Variants in SPANXN3 observed in about 807,000 individuals in gnomAD.
SPANXN3 encodes the protein sperm protein associated with the nucleus on the X chromosome N3.
Under a neutral mutation model 1.9 loss-of-function variants are expected in SPANXN3, and 1 was observed. The observed-to-expected ratio is 0.54, with a 90% confidence interval of 0.19 to 2.54. The LOEUF is 2.54. Ranked by LOEUF, SPANXN3 falls within the 30% of genes most tolerant of loss-of-function variation. The probability of loss-of-function intolerance (pLI) is 0.24; values close to 1 mark genes in which losing one functional copy is unlikely to be tolerated. For missense variants in SPANXN3, 113 were observed against 96.2 expected (o/e 1.17, Z -0.73); for synonymous variants, 47 against 40.0 (o/e 1.17, Z -0.66).
Position 143,509,040 on chromosome X carries a change from T to G in SPANXN3, c.201A>C (p.Gln67His). 8.3e-7 allele frequency: 1 copy of G among 1,211,443 alleles called. No homozygotes were observed. Among genetic ancestry groups the G allele is most frequent in the Non-Finnish European group, 1.1e-6 (1 of 895,186 alleles). ...LRKGKKINSNQLENEQSQENS... is the reference protein window; with the variant it reads ...LRKGKKINSNHLENEQSQENS... ...TCTCTTGGGACTGTTCATTCTCCAG[T>G]TGATTTGAATTTATTTTCTTACCCT... The change falls in exon 2 of 2, where the codon CAA becomes CAC. Residue 67 changes from glutamine (Q) to histidine (H), a missense_variant. Gln to His is a conservative substitution (Grantham distance 24, BLOSUM62 0). Transcript: ENST00000370503.
intron 1 of SPANXN3, chrX:143,509,808 G>T: frequency 1.6e-5 from 2 of 122,901 alleles, no homozygotes; most frequent in Non-Finnish European, 1.8e-5. Context: ...ACAGGTGTCT[G>T]CAATATTCCT....
chrX:143,511,565 A>C (rs1929092830), intron 1 of SPANXN3, among the ~76,000 whole-genome samples: 1 of 111,604 alleles, frequency 9.0e-6, no homozygotes, highest in Non-Finnish European at 1.9e-5. Context: ...TTAGAGAGGA[A>C]GAACTAAAAA....
rs1429602321 is a variant in SPANXN3 at position 143,508,749 on chromosome X, T to C, written c.*66A>G. ...AAACACAGTCATCAGCTCCTTAAAC[T>C]TGATTTTATTGTAATCATCGCCATC... is the stretch of plus-strand genomic sequence containing the variant. On this transcript the variant is annotated 3_prime_UTR_variant, in exon 2 of 2. Transcript: ENST00000370503. 1 of 969,138 alleles carries C rather than the reference T, an allele frequency of 1.0e-6. No individual in the cohort carries two copies. Among genetic ancestry groups the C allele is most frequent in the African/African-American group, 1.9e-5 (1 of 51,620 alleles). 79.9% of individuals were successfully genotyped at this position (969,138 alleles called of 1,213,427 possible).
intron 1 of SPANXN3, among the ~76,000 whole-genome samples, chrX:143,515,622 G>A (rs1386349693): frequency 9.2e-6 from 1 of 108,817 alleles, no homozygotes; most frequent in Admixed American, 9.9e-5. Context: ...CCCAACCTCT[G>A]ACAGTTGAGC....
chrX:143,516,471 C>T (rs782042837), intron 1 of SPANXN3, among the ~76,000 whole-genome samples: 1 of 112,385 alleles, frequency 8.9e-6, no homozygotes, highest in African/African-American at 3.2e-5. Flanking sequence ...CCTCCACACA[C>T]ACTAAGCAGG....
chrX:143,515,569 T>G (rs1211165606), intron 1 of SPANXN3, among the ~76,000 whole-genome samples: 1 of 111,428 alleles, frequency 9.0e-6, no homozygotes, highest in Non-Finnish European at 1.9e-5. Flanking sequence ...CTCCTCTTTC[T>G]TCTTTTGTCC....
chrX:143,508,777 T>A lies in SPANXN3; in HGVS notation c.*38A>T. 1.9e-6 allele frequency: 2 copies of A among 1,071,927 alleles called. No individual in the cohort carries two copies. The highest frequency in any genetic ancestry group is 2.6e-6 in the Non-Finnish European group (2 of 777,316). The allele number at this position is 1,071,927 out of a possible 1,213,427, so 88.3% of individuals were successfully genotyped here. On this transcript the variant is annotated 3_prime_UTR_variant, in exon 2 of 2. Transcript: ENST00000370503. ...ATTTTATTGTAATCATCGCCATCAG[T>A]GGTGATGATTTGTCCAATTTGGTTT...
intron 1 of SPANXN3, among the ~76,000 whole-genome samples, chrX:143,515,523 G>T (rs1473510788): frequency 2.7e-5 from 3 of 111,181 alleles, no homozygotes; most frequent in African/African-American, 3.3e-5. Context: ...AGGTATGACT[G>T]CAGGGCACCT....
In SPANXN3 at chrX:143,508,922, C is replaced by G; in HGVS notation, c.319G>C (p.Gly107Arg). 8.3e-7 allele frequency: 1 copy of G among 1,211,614 alleles called. No individual in the cohort carries two copies. The highest frequency in any genetic ancestry group is 1.1e-6 in the Non-Finnish European group (1 of 895,398). ...AGATCTTTGTCCTCCTTTGAAGGTC[C>G]TTCACATGGGCCTAGGTCTTCATCC... ...NEDEDLGPCE[G>R]PSKEDKDLDS... The change falls in exon 2 of 2, where the codon GGA (glycine) becomes CGA (arginine). Residue 107 changes from glycine to arginine, a missense_variant. Coordinates refer to ENST00000370503, the MANE Select transcript of SPANXN3 (RefSeq NM_001009609.4).
At chrX:143,512,158 C>T (rs1169764051) in intron 1 of SPANXN3, among the ~76,000 whole-genome samples, 1 of 109,986 alleles carries the variant, frequency 9.1e-6, no homozygotes, top group East Asian at 2.9e-4. Flanking sequence ...TAAGTAAATT[C>T]CAGGCCTCCA....
chrX:143,511,545 G>A (rs192492240), intron 1 of SPANXN3, among the ~76,000 whole-genome samples: 18 of 111,287 alleles, frequency 1.6e-4, no homozygotes, highest in Middle Eastern at 4.6e-3. Flanking sequence ...GGCCTTTAAG[G>A]TCTATAAGAT....
chrX:143,512,616 A>C, intron 1 of SPANXN3, among the ~76,000 whole-genome samples: 1 of 109,152 alleles, frequency 9.2e-6, no homozygotes, highest in African/African-American at 3.4e-5. Flanking sequence ...TCTACTACAC[A>C]CTCCTCTGTA....
chrX:143,515,082 C>G (rs1400312553), intron 1 of SPANXN3, among the ~76,000 whole-genome samples: 1 of 110,428 alleles, frequency 9.1e-6, no homozygotes, highest in Non-Finnish European at 1.9e-5. Context: ...GCTTACTTGA[C>G]CCAGCCTAAA....
intron 1 of SPANXN3, among the ~76,000 whole-genome samples, chrX:143,515,184 G>A (rs5953853): frequency 0.36 from 39,928 of 109,493 alleles, 6,051 homozygotes; most frequent in South Asian, 0.49. Flanking sequence ...CAACCTAAGC[G>A]GAAATGTTCC....
chrX:143,515,795 G>A (rs1339490930), intron 1 of SPANXN3, among the ~76,000 whole-genome samples: 1 of 111,499 alleles, frequency 9.0e-6, no homozygotes, highest in African/African-American at 3.3e-5. Flanking sequence ...TCACCTACTT[G>A]ACCAGTTCAT....
chrX:143,515,087 C>A (rs1414199077), intron 1 of SPANXN3, among the ~76,000 whole-genome samples: 3 of 110,321 alleles, frequency 2.7e-5, no homozygotes, highest in Non-Finnish European at 5.7e-5. Flanking sequence ...CTTGACCCAG[C>A]CTAAAAGTCC....
chrX:143,514,147 C>T (rs1434574461), intron 1 of SPANXN3, among the ~76,000 whole-genome samples: 6 of 111,947 alleles, frequency 5.4e-5, no homozygotes, highest in East Asian at 2.8e-4. Context: ...ATGCCATAAC[C>T]GAGAGAAACC....
intron 1 of SPANXN3, among the ~76,000 whole-genome samples, chrX:143,512,859 G>A (rs1929125588): frequency 9.0e-6 from 1 of 110,757 alleles, no homozygotes; most frequent in Admixed American, 9.6e-5. Context: ...CTCCTTCTCT[G>A]TAGCCCCTTC....
chrX:143,512,057 C>T (rs1929103865), intron 1 of SPANXN3, among the ~76,000 whole-genome samples: 2 of 111,230 alleles, frequency 1.8e-5, no homozygotes, highest in South Asian at 7.7e-4. Context: ...CAGACTCGTC[C>T]TTTATTATGC....
Sources: gnomAD v4.1 joint callset for allele counts (sites outside exome capture counted in the v4.1 genomes callset) on GRCh38, gnomAD v4.1.1 for gene constraint, MANE v1.5 for transcripts, NCBI Gene and HGNC (gene_info 2026-07-23, HGNC 2026-07-21) for gene names.